The following NMUR2 variants were observed in gnomAD, a reference collection of about 807,000 sequenced individuals.
The protein encoded by NMUR2 is neuromedin-U receptor 2.
NMUR2 carries 24 observed loss-of-function variants against 25.1 expected under a neutral mutation model. The ratio of observed to expected loss-of-function variants is 0.96; its 90% CI spans 0.69 to 1.34. The LOEUF (loss-of-function observed/expected upper bound fraction) is 1.34, where lower values mean the gene tolerates loss of function less well. NMUR2 is among the 40% of genes most tolerant of loss of function. NMUR2 has a pLI of 0.00. For synonymous variants in NMUR2, 218 were observed against 208.1 expected, an observed-to-expected ratio of 1.05 and a Z score of -0.41; for missense variants, 533 against 512.8, an observed-to-expected ratio of 1.04 and a Z score of -0.38.
At chr5:152,393,103 A>G (rs938905392) in intron 3 of NMUR2, among the ~76,000 whole-genome samples, 4 of 152,206 alleles carry the variant, frequency 2.6e-5, no homozygotes, top group Non-Finnish European at 5.9e-5. Context: ...TGTTTGGAAT[A>G]CACTCTTCCT....
Position 152,391,994 on chromosome 5 carries a change from A to C in NMUR2, c.*197T>G. On this transcript the variant is annotated 3_prime_UTR_variant, in exon 4 of 4. Transcript: ENST00000255262. ...CAGTTAGGATAGTGGAAAGATAACT[A>C]AAAATCAGGCAGTCTTGGGTTTTGA... is the stretch of plus-strand genomic sequence containing the variant. The C allele has an allele frequency of 1.8e-6, 1 of 541,108 alleles. No individual in the cohort carries two copies. Among genetic ancestry groups the C allele is most frequent in the Admixed American group, 3.4e-5 (1 of 28,994 alleles). 33.5% of individuals were successfully genotyped at this position (541,108 alleles called of 1,614,324 possible). A position where few individuals can be genotyped will look rare whatever the true frequency, so the allele number is the denominator to read the frequency against.
chr5:152,397,161 C>A (rs1016926407), intron 2 of NMUR2, among the ~76,000 whole-genome samples: 1 of 151,880 alleles, frequency 6.6e-6, no homozygotes, highest in Non-Finnish European at 1.5e-5. Context: ...ATCGAGAAGA[C>A]CCACTTCAGG....
chr5:152,399,230 G>T (rs1369694113), intron 1 of NMUR2, among the ~76,000 whole-genome samples: 2 of 152,076 alleles, frequency 1.3e-5, no homozygotes, highest in African/African-American at 4.8e-5. Context: ...ATATATATTT[G>T]CCCATTAGTT....
chr5:152,395,032 T>C (rs548524594), intron 3 of NMUR2, among the ~76,000 whole-genome samples: 56 of 152,128 alleles, frequency 3.7e-4, no homozygotes, highest in Non-Finnish European at 6.8e-4. Flanking sequence ...AGAGTTACAG[T>C]AGCCTAAAAG....
chr5:152,405,273 C>T lies in NMUR2; in HGVS notation c.-160G>A, dbSNP rs1050567227. The stretch of plus-strand genomic sequence containing the variant: ...TGGGAGAGAGTGAGTGTTTCACCCT[C>T]CAGGTTAGGCTGCCTGGACCGCCGA... On this transcript the variant is annotated 5_prime_UTR_variant, in exon 1 of 4. Coordinates refer to ENST00000255262, the MANE Select transcript of NMUR2 (RefSeq NM_020167.5). The T allele has an allele frequency of 4.9e-6, 4 of 814,488 alleles. No individual in the cohort carries two copies. The South Asian group carries it at 7.6e-5, about 15-fold the overall frequency. 50.5% of individuals were successfully genotyped at this position (814,488 alleles called of 1,614,324 possible).
intron 2 of NMUR2, among the ~76,000 whole-genome samples, chr5:152,396,882 C>T (rs921438256): frequency 6.6e-6 from 1 of 151,936 alleles, no homozygotes; most frequent in Non-Finnish European, 1.5e-5. Flanking sequence ...GGGCAAGACT[C>T]CATCTCAAAA....
Position 152,405,037 on chromosome 5 carries a change from A to C in NMUR2, c.77T>G (p.Leu26Arg). 6.2e-7 allele frequency: 1 copy of C among 1,614,082 alleles called. No homozygotes were observed. The highest frequency in any genetic ancestry group is 8.5e-7 in the Non-Finnish European group (1 of 1,180,006). ...GGCCAGATACTCCTCGGTGCTGTTC[A>C]GGTGTTTCTGGAATGGATCTTCTAG... ...QKLEDPFQKH[L>R]NSTEEYLAFL... Residue 26 changes from leucine to arginine, a missense_variant, in exon 1 of 4, where the codon CTG (leucine) becomes CGG (arginine). Physicochemically the swap from Leu to Arg is moderately radical, Grantham distance 102. Coordinates refer to ENST00000255262, the MANE Select transcript of NMUR2 (RefSeq NM_020167.5).
chr5:152,392,648 T>C (rs1753081658), intron 3 of NMUR2, 147 bp from the exon 4 acceptor site: 3 of 645,646 alleles, frequency 4.6e-6, no homozygotes, highest in Non-Finnish European at 8.0e-6. Flanking sequence ...TAATTGAGAA[T>C]ACAAAATGCT....
chr5:152,399,875 C>A (rs544659181), intron 1 of NMUR2, among the ~76,000 whole-genome samples: 1 of 152,106 alleles, frequency 6.6e-6, no homozygotes, highest in Admixed American at 6.5e-5. Flanking sequence ...AGATTAGAAT[C>A]AATCTATTTA....
chr5:152,399,206 A>G (rs987966544), intron 1 of NMUR2, among the ~76,000 whole-genome samples: 4 of 152,180 alleles, frequency 2.6e-5, no homozygotes, highest in African/African-American at 4.8e-5. Context: ...AGAAATTAGT[A>G]TAGTACATAG....
intron 1 of NMUR2, 53 bp from the exon 2 acceptor site, chr5:152,398,197 C>A: frequency 7.5e-7 from 1 of 1,325,974 alleles, no homozygotes; most frequent in Non-Finnish European, 1.1e-6. Context: ...CATTTTTCCT[C>A]CTGTTAAAAT....
At chr5:152,395,610 C>T (rs1253701570) in intron 2 of NMUR2, 26 bp from the exon 3 acceptor site, 17 of 1,611,212 alleles carry the variant, frequency 1.1e-5, no homozygotes, top group South Asian at 2.2e-5. Flanking sequence ...AAATGGGAGA[C>T]CAGAAGACAG....
chr5:152,403,044 A>G (rs1012768930), intron 1 of NMUR2, among the ~76,000 whole-genome samples: 8 of 152,220 alleles, frequency 5.3e-5, no homozygotes, highest in Admixed American at 1.3e-4. Context: ...GTTGTCACAT[A>G]AAGTGTGATG....
intron 2 of NMUR2, among the ~76,000 whole-genome samples, chr5:152,396,647 A>G (rs1189107131): frequency 6.6e-6 from 1 of 152,092 alleles, no homozygotes; most frequent in Non-Finnish European, 1.5e-5. Context: ...CAGGCCTATA[A>G]TCCCAGCACT....
chr5:152,394,262 A>G (rs17448276), intron 3 of NMUR2, among the ~76,000 whole-genome samples: 20,413 of 152,176 alleles, frequency 0.13, 1,795 homozygotes, highest in Non-Finnish European at 0.19. Flanking sequence ...TTTGGTTGCA[A>G]ATGGTTGAAC....
intron 1 of NMUR2, among the ~76,000 whole-genome samples, chr5:152,401,990 A>C (rs978476357): frequency 7.9e-5 from 12 of 152,196 alleles, no homozygotes; most frequent in African/African-American, 2.9e-4. Context: ...TTTGTTTTAA[A>C]GGTAGAGAAG....
chr5:152,396,678 T>A (rs1753156312), intron 2 of NMUR2, among the ~76,000 whole-genome samples: 1 of 151,992 alleles, frequency 6.6e-6, no homozygotes, highest in Admixed American at 6.6e-5. Flanking sequence ...AAGGGGTGGA[T>A]CTCCTGAGGT....
In NMUR2 at chr5:152,404,877, G is replaced by C; in HGVS notation, c.237C>G (p.Pro79=). 2 of 1,614,084 alleles carry C rather than the reference G, an allele frequency of 1.2e-6. No homozygotes were observed. The highest frequency in any genetic ancestry group is 8.5e-7 in the Non-Finnish European group (1 of 1,180,012). Residue 79 remains proline (P), a synonymous_variant, in exon 1 of 4, where the codon CCC becomes CCG. Transcript: ENST00000255262. ...VILQHQAMKT[P]TNYYLFSLAV... ...CCAGGCTGAAGAGGTAGTAGTTGGT[G>C]GGCGTCTTCATAGCCTGGTGCTGCA...
Position 152,398,083 on chromosome 5 carries a change from C to CAA in NMUR2, c.787_788insTT (p.Arg263IlefsTer14). 6.2e-7 allele frequency: 1 copy of CAA among 1,613,328 alleles called. No homozygotes were observed. Among genetic ancestry groups the CAA allele is most frequent in the Non-Finnish European group, 8.5e-7 (1 of 1,179,552 alleles). On this transcript the variant is annotated frameshift_variant, in exon 2 of 4. Transcript: ENST00000255262. LOFTEE classifies it high-confidence loss of function. ...ACACAGCATCTTGTTGACTGATTTT[C>CAA]TGCAGGGTCTTTGAATATTTGCATT...
Sources: gnomAD v4.1 joint callset for allele counts (sites outside exome capture counted in the v4.1 genomes callset) on GRCh38, gnomAD v4.1.1 for gene constraint, MANE v1.5 for transcripts, NCBI Gene and HGNC (gene_info 2026-07-23, HGNC 2026-07-21) for gene names.